The following ADGB variants were observed in gnomAD, a reference collection of about 807,000 sequenced individuals.
ADGB encodes androglobin, also known as calpain-7-like protein.
In ADGB, 172 loss-of-function variants were observed where a neutral mutation model predicts 210.5. The observed-to-expected ratio is 0.82, with a 90% CI of 0.72 to 0.93. ADGB has a LOEUF of 0.93. Among genes scored for constraint, ADGB ranks in the 40% least tolerant of loss-of-function variants. ADGB has a pLI of 0.00. For synonymous variants in ADGB, 658 were observed against 662.7 expected (o/e 0.99, Z 0.11); for missense variants, 2,025 against 1,964.8 (o/e 1.03, Z -0.58).
chr6:146,711,589 T>C (rs1370607330), intron 13 of ADGB, among the ~76,000 whole-genome samples: 1 of 152,236 alleles, frequency 6.6e-6, no homozygotes, highest in Non-Finnish European at 1.5e-5. Context: ...AGCACTTGCA[T>C]GCTTGAAGAT....
chr6:146,615,331 C>A (rs1780782244), intron 1 of ADGB, among the ~76,000 whole-genome samples: 1 of 152,104 alleles, frequency 6.6e-6, no homozygotes. Flanking sequence ...TCCCACCAGG[C>A]CCCATCCTTA....
At position 146,701,083 on chromosome 6, in the gene ADGB, C is replaced by A; in HGVS notation, c.1707+13C>A. On this transcript the variant is annotated intron_variant, in intron 13 of 35. Transcript: ENST00000397944. Reference sequence around the variant, plus strand: ...AGCTACATCTCAGGTGACTATGTTACTCTTACTGTTGGCCCAACTCTTAAT... The same window carrying A: ...AGCTACATCTCAGGTGACTATGTTAATCTTACTGTTGGCCCAACTCTTAAT... 6.5e-7 allele frequency: 1 copy of A among 1,549,250 alleles called. No individual in the cohort carries two copies. Among genetic ancestry groups the A allele is most frequent in the Non-Finnish European group, 8.7e-7 (1 of 1,145,954 alleles).
intron 25 of ADGB, 80 bp from the exon 26 acceptor site, chr6:146,745,842 A>T (rs1777224539): frequency 3.7e-6 from 4 of 1,083,844 alleles, no homozygotes; most frequent in African/African-American, 1.6e-5. Flanking sequence ...ATAATAAGAC[A>T]TTTAGCACTA....
chr6:146,656,367 G>A (rs1007452507), intron 4 of ADGB, among the ~76,000 whole-genome samples: 1 of 152,162 alleles, frequency 6.6e-6, no homozygotes, highest in Non-Finnish European at 1.5e-5. Context: ...ACATACAAGA[G>A]ATAATATCCT....
chr6:146,664,490 C>T (rs528710652), intron 6 of ADGB, 150 bp downstream of exon 6: 386 of 730,816 alleles, frequency 5.3e-4, no homozygotes, highest in South Asian at 3.1e-3. Context: ...AAATCAAATA[C>T]GCCAAAACCA....
chr6:146,618,781 C>G (rs1379601646), intron 1 of ADGB, among the ~76,000 whole-genome samples: 1 of 151,940 alleles, frequency 6.6e-6, no homozygotes, highest in Non-Finnish European at 1.5e-5. Flanking sequence ...TATGGTCTGT[C>G]CTGGAGAATG....
intron 26 of ADGB, among the ~76,000 whole-genome samples, chr6:146,748,688 T>G (rs192382134): frequency 3.9e-5 from 6 of 152,164 alleles, no homozygotes; most frequent in Admixed American, 3.9e-4. Context: ...CCTCAAGCAA[T>G]CCTCTCACCT....
chr6:146,733,275 A>C lies in ADGB; in HGVS notation c.2656+20A>C, dbSNP rs1777030042. Reference sequence around the variant, plus strand: ...CTTTAGGTACCCATGAATTGTATATATTTAATCAAGGAATTCCTAGTTTTA... The same window carrying C: ...CTTTAGGTACCCATGAATTGTATATCTTTAATCAAGGAATTCCTAGTTTTA... On this transcript the variant is annotated intron_variant, in intron 21 of 35. Coordinates refer to ENST00000397944, the MANE Select transcript of ADGB (RefSeq NM_024694.4). 5 of 1,342,450 alleles carry C rather than the reference A, an allele frequency of 3.7e-6. No homozygotes were observed. The highest frequency in any genetic ancestry group is 3.8e-6 in the Non-Finnish European group (4 of 1,049,282). 83.2% of individuals were successfully genotyped at this position (1,342,450 alleles called of 1,614,324 possible).
At chr6:146,761,228 T>C (rs2114622137) in intron 27 of ADGB, among the ~76,000 whole-genome samples, 1 of 152,022 alleles carries the variant, frequency 6.6e-6, no homozygotes, top group East Asian at 1.9e-4. Flanking sequence ...TTAGCATGCA[T>C]GTTTATTTCA....
chr6:146,618,590 T>C (rs1295669969), intron 1 of ADGB, among the ~76,000 whole-genome samples: 1 of 152,096 alleles, frequency 6.6e-6, no homozygotes, highest in East Asian at 1.9e-4. Flanking sequence ...TTAAATTTCC[T>C]TTTTAATTTC....
intron 12 of ADGB, 140 bp from the exon 13 acceptor site, chr6:146,700,801 A>G (rs1776478758): frequency 4.2e-6 from 4 of 959,272 alleles, no homozygotes; most frequent in South Asian, 1.8e-5. Context: ...GGTAAAAAAC[A>G]TTACTGGTAG....
At chr6:146,678,840 C>T (rs1047838460) in intron 9 of ADGB, among the ~76,000 whole-genome samples, 1 of 152,162 alleles carries the variant, frequency 6.6e-6, no homozygotes, top group Admixed American at 6.5e-5. Flanking sequence ...TTTAGGTACA[C>T]TAGCTGGTAT....
chr6:146,666,915 A>G lies in ADGB; in HGVS notation c.839+13A>G, dbSNP rs891193922. 1.5e-5 allele frequency: 23 copies of G among 1,505,910 alleles called. No individual in the cohort carries two copies. The African/African-American group carries it at 2.1e-4, about 14-fold the overall frequency. The allele number at this position is 1,505,910 out of a possible 1,614,324, so 93.3% of individuals were successfully genotyped here. A position where few individuals can be genotyped will look rare whatever the true frequency, so the allele number is the denominator to read the frequency against. ...TCATTTCTCTTCAGTATGTTTGACT[A>G]TTAAATTGCTCATATCTATTTTTTT... On this transcript the variant is annotated intron_variant, in intron 7 of 35. Coordinates refer to ENST00000397944, the MANE Select transcript of ADGB (RefSeq NM_024694.4).
chr6:146,603,687 A>G (rs1780593020), intron 1 of ADGB, among the ~76,000 whole-genome samples: 1 of 152,244 alleles, frequency 6.6e-6, no homozygotes. Flanking sequence ...ACTAAAATGA[A>G]CATCTAAATT....
chr6:146,759,869 T>A (rs1373494820), intron 27 of ADGB, among the ~76,000 whole-genome samples: 1 of 151,880 alleles, frequency 6.6e-6, no homozygotes, highest in Middle Eastern at 3.2e-3. Flanking sequence ...TAGTGAGGTT[T>A]GAACAAATTT....
intron 33 of ADGB, among the ~76,000 whole-genome samples, chr6:146,799,619 G>A: frequency 6.6e-6 from 1 of 151,028 alleles, no homozygotes; most frequent in South Asian, 2.1e-4. Flanking sequence ...AGGGAAGAAA[G>A]GGAGGGAGGG....
chr6:146,672,135 G>T (rs1377337369), intron 7 of ADGB, 85 bp from the exon 8 acceptor site: 4 of 1,409,376 alleles, frequency 2.8e-6, no homozygotes, highest in Non-Finnish European at 3.8e-6. Flanking sequence ...ATAGCAAGTT[G>T]ATTTTTCTGT....
At chr6:146,746,355 C>G (rs1777237301) in intron 26 of ADGB, among the ~76,000 whole-genome samples, 1 of 152,118 alleles carries the variant, frequency 6.6e-6, no homozygotes, top group Non-Finnish European at 1.5e-5. Context: ...ATTAAAGATT[C>G]TTCATGACAT....
intron 29 of ADGB, among the ~76,000 whole-genome samples, chr6:146,778,814 T>C (rs1233135741): frequency 6.6e-6 from 1 of 152,112 alleles, no homozygotes; most frequent in South Asian, 2.1e-4. Context: ...AAGGTTTGGA[T>C]AGAAAATAAA....
Sources: allele counts gnomAD v4.1 joint callset (sites outside exome capture counted in the v4.1 genomes callset), GRCh38; gene constraint gnomAD v4.1.1; transcripts MANE v1.5; gene names NCBI Gene and HGNC (gene_info 2026-07-23, HGNC 2026-07-21).